Variants in DNAJC5B observed in about 807,000 individuals in gnomAD.
DNAJC5B encodes dnaJ homolog subfamily C member 5B.
A neutral mutation model predicts 24.7 loss-of-function variants in DNAJC5B; 23 were observed. The ratio of observed to expected loss-of-function variants is 0.93; its 90% CI spans 0.67 to 1.32. The LOEUF (loss-of-function observed/expected upper bound fraction) is 1.32, where lower values mean the gene tolerates loss of function less well. DNAJC5B is among the 40% of genes most tolerant of loss of function. DNAJC5B has a pLI of 0.00. For missense variants in DNAJC5B, 238 were observed against 240.8 expected (o/e 0.99, Z 0.08); for synonymous variants, 101 against 90.1 (o/e 1.12, Z -0.68).
intron 5 of DNAJC5B, among the ~76,000 whole-genome samples, chr8:66,091,083 C>G (rs1807837104): frequency 6.6e-6 from 1 of 152,092 alleles, no homozygotes; most frequent in Non-Finnish European, 1.5e-5. Flanking sequence ...ACTTACTGGT[C>G]AGGTTTATTG....
intron 2 of DNAJC5B, among the ~76,000 whole-genome samples, chr8:66,045,811 A>C (rs1806710420): frequency 6.6e-6 from 1 of 152,180 alleles, no homozygotes; most frequent in Non-Finnish European, 1.5e-5. Flanking sequence ...CACACAGGAA[A>C]AGATACTGGA....
intron 1 of DNAJC5B, among the ~76,000 whole-genome samples, chr8:66,033,907 G>C (rs1181204201): frequency 6.6e-6 from 1 of 151,942 alleles, no homozygotes; most frequent in African/African-American, 2.4e-5. Context: ...CAGAGATGTG[G>C]GAGCTCGTTC....
intron 2 of DNAJC5B, among the ~76,000 whole-genome samples, 195 bp downstream of exon 2, chr8:66,043,806 T>G (rs1417863655): frequency 6.7e-6 from 1 of 150,128 alleles, no homozygotes; most frequent in Non-Finnish European, 1.5e-5. Context: ...TAAGGATTAG[T>G]GCAATGAAAA....
intron 1 of DNAJC5B, among the ~76,000 whole-genome samples, chr8:66,023,010 G>A (rs753968910): frequency 2.6e-5 from 4 of 152,162 alleles, no homozygotes; most frequent in East Asian, 1.9e-4. Flanking sequence ...TGACTGTAAC[G>A]TTCCCTGATC....
chr8:66,040,389 A>T (rs1420967202), intron 1 of DNAJC5B, among the ~76,000 whole-genome samples: 1 of 99,074 alleles, frequency 1.0e-5, no homozygotes, highest in African/African-American at 1.1e-4. Context: ...ACTCCATTTA[A>T]AAAAAAAAAA....
intron 3 of DNAJC5B, among the ~76,000 whole-genome samples, chr8:66,053,919 G>A (rs1371480464): frequency 1.3e-5 from 2 of 149,088 alleles, no homozygotes; most frequent in African/African-American, 5.0e-5. Context: ...GTGAGCCACC[G>A]TGCCTGGCCT....
At chr8:66,046,561 C>G (rs925982633) in intron 2 of DNAJC5B, among the ~76,000 whole-genome samples, 1 of 152,186 alleles carries the variant, frequency 6.6e-6, no homozygotes, top group Non-Finnish European at 1.5e-5. Flanking sequence ...GCTTTAGAAC[C>G]AGATAGCTCT....
chr8:66,034,881 C>A (rs1339618195), intron 1 of DNAJC5B, among the ~76,000 whole-genome samples: 5 of 152,096 alleles, frequency 3.3e-5, no homozygotes, highest in African/African-American at 1.2e-4. Context: ...TGGACGCATG[C>A]TCAGATTTGA....
chr8:66,067,212 C>T (rs1807240332), intron 3 of DNAJC5B, among the ~76,000 whole-genome samples: 1 of 150,548 alleles, frequency 6.6e-6, no homozygotes, highest in South Asian at 2.1e-4. Flanking sequence ...GCCCCCCACC[C>T]CCACATATTT....
At chr8:66,077,607 A>G (rs1807496285) in intron 4 of DNAJC5B, among the ~76,000 whole-genome samples, 1 of 152,210 alleles carries the variant, frequency 6.6e-6, no homozygotes. Flanking sequence ...TGGGTCATAC[A>G]TGTAGTCCAT....
intron 3 of DNAJC5B, among the ~76,000 whole-genome samples, chr8:66,067,183 C>G (rs1807237841): frequency 6.9e-6 from 1 of 144,102 alleles, no homozygotes; most frequent in Admixed American, 7.0e-5. Flanking sequence ...ACACCCCCCA[C>G]CCTCCCCCAC....
chr8:66,026,013 C>A (rs561302457), intron 1 of DNAJC5B, among the ~76,000 whole-genome samples: 2 of 106,300 alleles, frequency 1.9e-5, no homozygotes, highest in South Asian at 5.0e-4. Context: ...TTACCTTGGG[C>A]AGTATGGCCA....
chr8:66,064,337 AC>A (rs753809910), intron 3 of DNAJC5B, among the ~76,000 whole-genome samples: 6 of 152,196 alleles, frequency 3.9e-5, no homozygotes, highest in Non-Finnish European at 8.8e-5. Flanking sequence ...AACTACCAGG[AC>A]CTGCTTGGAG....
intron 1 of DNAJC5B, among the ~76,000 whole-genome samples, chr8:66,034,874 A>T (rs1324999900): frequency 6.6e-6 from 1 of 152,168 alleles, no homozygotes; most frequent in Non-Finnish European, 1.5e-5. Flanking sequence ...ATCTGCCTGG[A>T]CGCATGCTCA....
At chr8:66,054,144 T>C (rs1475578840) in intron 3 of DNAJC5B, among the ~76,000 whole-genome samples, 3 of 152,104 alleles carry the variant, frequency 2.0e-5, no homozygotes, top group South Asian at 2.1e-4. Flanking sequence ...TATTTTCTTA[T>C]GCGGTATAAA....
chr8:66,034,176 T>TTG (rs60916429), intron 1 of DNAJC5B, among the ~76,000 whole-genome samples: 6,143 of 144,224 alleles, frequency 0.043, 130 homozygotes, highest in South Asian at 0.057. Flanking sequence ...TGTTGTTGTT[T>TTG]TGTGTGTGTG....
At chr8:66,064,615 C>T (rs1364010724) in intron 3 of DNAJC5B, among the ~76,000 whole-genome samples, 1 of 152,140 alleles carries the variant, frequency 6.6e-6, no homozygotes, top group Non-Finnish European at 1.5e-5. Context: ...GTTAGATGCC[C>T]AGAAACTTTT....
intron 5 of DNAJC5B, among the ~76,000 whole-genome samples, chr8:66,088,943 C>T (rs1274456325): frequency 6.6e-6 from 1 of 152,178 alleles, no homozygotes; most frequent in East Asian, 1.9e-4. Context: ...CTGACTGTTA[C>T]CCAGTTCCAA....
chr8:66,016,575 T>C (rs910389527), upstream of DNAJC5B, among the ~76,000 whole-genome samples: 2 of 152,200 alleles, frequency 1.3e-5, no homozygotes, highest in Admixed American at 1.3e-4. Context: ...TCTTTCTTCA[T>C]AGCAGCGTGA....
Sources: gnomAD v4.1 joint callset for allele counts (sites outside exome capture counted in the v4.1 genomes callset) on GRCh38, gnomAD v4.1.1 for gene constraint, MANE v1.5 for transcripts, NCBI Gene and HGNC (gene_info 2026-07-23, HGNC 2026-07-21) for gene names.